FSTL5: variants seen among roughly 807,000 people sequenced by gnomAD.
FSTL5 encodes follistatin like 5, also known as follistatin-related protein 5.
In FSTL5, 62 loss-of-function variants were observed where a neutral mutation model predicts 89.1. The ratio of observed to expected loss-of-function variants is 0.70; its 90% confidence interval spans 0.57 to 0.86. The LOEUF (loss-of-function observed/expected upper bound fraction) is 0.86. FSTL5 is among the 40% of genes least tolerant of loss of function. The pLI is 0.00. For synonymous variants in FSTL5, 383 were observed against 346.2 expected, an observed-to-expected ratio of 1.11 and a Z score of -1.18; for missense variants, 1,057 against 1,001.6, an observed-to-expected ratio of 1.06 and a Z score of -0.75.
intron 4 of FSTL5, among the ~76,000 whole-genome samples, chr4:161,886,115 C>T (rs559255088): frequency 6.6e-6 from 1 of 152,194 alleles, no homozygotes; most frequent in East Asian, 1.9e-4. Flanking sequence ...TATTGAATTC[C>T]TCCCTACACA....
chr4:162,046,525 A>G (rs2111242426), intron 2 of FSTL5, among the ~76,000 whole-genome samples: 1 of 152,248 alleles, frequency 6.6e-6, no homozygotes, highest in South Asian at 2.1e-4. Context: ...TGAAGATTAT[A>G]TAAAAATACA....
At chr4:161,667,391 G>C (rs1192303752) in intron 6 of FSTL5, among the ~76,000 whole-genome samples, 1 of 152,098 alleles carries the variant, frequency 6.6e-6, no homozygotes, top group Non-Finnish European at 1.5e-5. Context: ...GCCACTCAAA[G>C]TAGTCAAGTT....
intron 4 of FSTL5, among the ~76,000 whole-genome samples, chr4:161,833,692 T>C (rs539466387): frequency 7.2e-5 from 11 of 152,162 alleles, no homozygotes; most frequent in African/African-American, 2.7e-4. Context: ...TATCAGAGAC[T>C]AGGATTGCAA....
chr4:161,926,403 T>TTG (rs1560920567), intron 3 of FSTL5, among the ~76,000 whole-genome samples: 5 of 96,656 alleles, frequency 5.2e-5, no homozygotes, highest in Admixed American at 3.2e-4. Context: ...GGTTTTTTTT[T>TTG]TTTGTTTTGT....
chr4:161,797,546 A>G (rs929570022), intron 4 of FSTL5, among the ~76,000 whole-genome samples: 5 of 151,622 alleles, frequency 3.3e-5, no homozygotes, highest in African/African-American at 1.2e-4. Context: ...GTATTCTCCA[A>G]AATTAGAAAT....
intron 4 of FSTL5, among the ~76,000 whole-genome samples, chr4:161,879,738 T>A: frequency 6.6e-6 from 1 of 152,234 alleles, no homozygotes; most frequent in South Asian, 2.1e-4. Flanking sequence ...TCTGCTCCAG[T>A]GTCATCTTAT....
chr4:161,441,082 G>C (rs1649740623), intron 15 of FSTL5, among the ~76,000 whole-genome samples: 1 of 151,990 alleles, frequency 6.6e-6, no homozygotes, highest in South Asian at 2.1e-4. Flanking sequence ...TATCATCTTT[G>C]TTACAGGATG....
At chr4:161,510,081 T>C (rs1730603127) in intron 11 of FSTL5, among the ~76,000 whole-genome samples, 1 of 152,188 alleles carries the variant, frequency 6.6e-6, no homozygotes, top group Non-Finnish European at 1.5e-5. Context: ...ATTCTTACTC[T>C]GCATTAATCA....
chr4:161,683,025 G>A (rs767733826), intron 6 of FSTL5, among the ~76,000 whole-genome samples: 10 of 152,230 alleles, frequency 6.6e-5, no homozygotes, highest in South Asian at 2.1e-4. Flanking sequence ...GATTACAGGC[G>A]TGAGCCACCG....
intron 2 of FSTL5, among the ~76,000 whole-genome samples, chr4:162,096,570 C>A (rs1730761037): frequency 6.6e-6 from 1 of 151,716 alleles, no homozygotes; most frequent in African/African-American, 2.4e-5. Context: ...AGAATGAAAA[C>A]TAGAAATCTG....
intron 4 of FSTL5, among the ~76,000 whole-genome samples, chr4:161,790,807 T>C (rs769764660): frequency 1.4e-4 from 21 of 152,216 alleles, no homozygotes; most frequent in Non-Finnish European, 2.2e-4. Flanking sequence ...GTGCTCTTTT[T>C]ATATTTCACT....
At chr4:161,551,164 C>T (rs1167454470) in intron 8 of FSTL5, among the ~76,000 whole-genome samples, 33 of 151,118 alleles carry the variant, frequency 2.2e-4, no homozygotes, top group African/African-American at 7.8e-4. Flanking sequence ...GCCACACTGA[C>T]TTCCACAATG....
intron 4 of FSTL5, among the ~76,000 whole-genome samples, chr4:161,903,707 G>C (rs1450380356): frequency 6.6e-6 from 1 of 151,408 alleles, no homozygotes; most frequent in Non-Finnish European, 1.5e-5. Context: ...GCATTTTTTG[G>C]TATTTAGCTA....
At chr4:161,584,602 A>C (rs1733544129) in intron 8 of FSTL5, among the ~76,000 whole-genome samples, 1 of 152,208 alleles carries the variant, frequency 6.6e-6, no homozygotes, top group Non-Finnish European at 1.5e-5. Flanking sequence ...CCTTTAAAAG[A>C]GTTAATGATA....
At chr4:161,593,950 A>G (rs1733919981) in intron 7 of FSTL5, among the ~76,000 whole-genome samples, 1 of 152,168 alleles carries the variant, frequency 6.6e-6, no homozygotes, top group South Asian at 2.1e-4. Flanking sequence ...AAATAAAAAG[A>G]CAAAAGGCTG....
At chr4:161,510,098 A>T (rs182528464) in intron 11 of FSTL5, among the ~76,000 whole-genome samples, 1 of 152,246 alleles carries the variant, frequency 6.6e-6, no homozygotes, top group East Asian at 1.9e-4. Flanking sequence ...ATCAGAGTTC[A>T]TTATGTAAAT....
intron 4 of FSTL5, among the ~76,000 whole-genome samples, chr4:161,776,395 A>C: frequency 6.6e-6 from 1 of 152,040 alleles, no homozygotes; most frequent in East Asian, 1.9e-4. Context: ...TTATTGTCTT[A>C]GTTTTTATCC....
intron 10 of FSTL5, among the ~76,000 whole-genome samples, chr4:161,535,578 A>C (rs1375162365): frequency 6.6e-6 from 1 of 152,062 alleles, no homozygotes; most frequent in African/African-American, 2.4e-5. Context: ...TAAAAAGTCA[A>C]AAAACAGTAG....
At chr4:161,895,626 G>C (rs1252856464) in intron 4 of FSTL5, among the ~76,000 whole-genome samples, 1 of 152,100 alleles carries the variant, frequency 6.6e-6, no homozygotes, top group African/African-American at 2.4e-5. Context: ...GGCAGAAATA[G>C]CATGGCAAGC....
Sources: gnomAD v4.1 joint callset for allele counts (sites outside exome capture counted in the v4.1 genomes callset) on GRCh38, gnomAD v4.1.1 for gene constraint, MANE v1.5 for transcripts, NCBI Gene and HGNC (gene_info 2026-07-23, HGNC 2026-07-21) for gene names.